The following SEC23IP variants were observed in gnomAD, a reference collection of about 807,000 sequenced individuals.
SEC23IP encodes SEC23 interacting protein, also known as SEC23-interacting protein.
In SEC23IP, 70 loss-of-function variants were observed where a neutral mutation model predicts 113.4. The ratio of observed to expected loss-of-function variants is 0.62; its 90% CI spans 0.51 to 0.75. The LOEUF is 0.75. Among genes scored for constraint, SEC23IP ranks in the 30% least tolerant of loss-of-function variants. The pLI is 0.00. For synonymous variants in SEC23IP, 398 were observed against 421.0 expected (o/e 0.95, Z 0.67); for missense variants, 1,160 against 1,204.9 (o/e 0.96, Z 0.55).
chr10:119,893,138 C>A (rs1854150576), intron 1 of SEC23IP, among the ~76,000 whole-genome samples, 193 bp downstream of exon 1: 1 of 152,154 alleles, frequency 6.6e-6, no homozygotes, highest in Non-Finnish European at 1.5e-5. Context: ...ACTTGCTCTT[C>A]ACGGAAACCC....
chr10:119,939,813 A>G (rs1855906760), intron 18 of SEC23IP, among the ~76,000 whole-genome samples: 2 of 152,142 alleles, frequency 1.3e-5, no homozygotes, highest in Admixed American at 1.3e-4. Flanking sequence ...CTCCTAACTT[A>G]GCATCTCGAG....
In SEC23IP at chr10:119,940,724, A is replaced by G. The variant is rs1855940452; in HGVS notation, c.*159A>G. On this transcript the variant is annotated 3_prime_UTR_variant, in exon 19 of 19. Transcript: ENST00000369075. ...TTGCTCAGCCACAATTCTCGGATAT[A>G]GGGATTCAAAAGACAGGACACAGAA... The G allele has an allele frequency of 6.6e-6, 1 of 152,282 alleles. No individual in the cohort carries two copies. Among genetic ancestry groups the G allele is most frequent in the South Asian group, 2.1e-4 (1 of 4,824 alleles). The allele number at this position is 152,282 out of a possible 1,614,324, so 9.4% of individuals were successfully genotyped here.
At position 119,932,227 on chromosome 10, in the gene SEC23IP, C is replaced by T. The variant is rs546849404; in HGVS notation, c.2667C>T (p.Ala889=). 7.4e-6 allele frequency: 12 copies of T among 1,613,278 alleles called. No individual in the cohort carries two copies. In the South Asian group the frequency reaches 1.3e-4, roughly 18 times the overall value. Residue 889 remains alanine (A), a synonymous_variant, in exon 16 of 19, where the codon GCC becomes GCT. Coordinates refer to ENST00000369075, the MANE Select transcript of SEC23IP (RefSeq NM_007190.4). ...CTTGGCAGACATTAAATGAGTTTGC[C>T]CGTGCTCATACGTCTTCAACCCAGT... is the stretch of plus-strand genomic sequence containing the variant. ...KSAWQTLNEF[A]RAHTSSTQLQ...
chr10:119,915,869 G>A lies in SEC23IP; in HGVS notation c.1524G>A (p.Gly508=). The change falls in exon 8 of 19, where the codon GGG becomes GGA. Residue 508 remains glycine, a synonymous_variant. Transcript: ENST00000369075. The part of the protein sequence containing the change: ...LPVHWHSSLG[G]DATGVDRNIK... The stretch of plus-strand genomic sequence containing the variant: ...TTCATTGGCATAGTTCTTTGGGTGG[G>A]GACGCCACAGGTGTGGACAGGTTTG... The A allele has an allele frequency of 6.3e-7, 1 of 1,577,128 alleles. No homozygotes were observed. Among genetic ancestry groups the A allele is most frequent in the Non-Finnish European group, 8.6e-7 (1 of 1,161,020 alleles).
rs1255740614 is a variant in SEC23IP, at chr10:119,942,373, A to G, written c.*1808A>G. On this transcript the variant is annotated 3_prime_UTR_variant, in exon 19 of 19. Transcript: ENST00000369075. ...CACACACATATGTATGTATGTATGTATTACTATTCAGTCTCTTAAAAACCA... is the reference window on the plus strand; with the variant it reads ...CACACACATATGTATGTATGTATGTGTTACTATTCAGTCTCTTAAAAACCA... 1 of 152,172 alleles carries G rather than the reference A, an allele frequency of 6.6e-6. No individual in the cohort carries two copies. The highest frequency in any genetic ancestry group is 1.5e-5 in the Non-Finnish European group (1 of 68,038). The allele number at this position is 152,172 out of a possible 1,614,324, so 9.4% of individuals were successfully genotyped here.
rs1326060265 is a variant in SEC23IP at position 119,944,248 on chromosome 10, C to T, written c.*3683C>T. On this transcript the variant is annotated 3_prime_UTR_variant, in exon 19 of 19. Coordinates refer to ENST00000369075, the MANE Select transcript of SEC23IP (RefSeq NM_007190.4). Reference sequence around the variant, plus strand: ...TAAAAGTGGCAGTTTTCCCTGCACTCTCTCCTGCCACCTTGTGAAGAAGGT... The same window carrying T: ...TAAAAGTGGCAGTTTTCCCTGCACTTTCTCCTGCCACCTTGTGAAGAAGGT... 1 of 152,178 alleles carries T rather than the reference C, an allele frequency of 6.6e-6. No homozygotes were observed. Among genetic ancestry groups the T allele is most frequent in the African/African-American group, 2.4e-5 (1 of 41,456 alleles). The allele number at this position is 152,178 out of a possible 1,614,324, so 9.4% of individuals were successfully genotyped here. A position where few individuals can be genotyped will look rare whatever the true frequency, so the allele number is the denominator to read the frequency against.
chr10:119,930,483 A>G (rs1356950937), intron 15 of SEC23IP, 52 bp downstream of exon 15: 1 of 1,066,534 alleles, frequency 9.4e-7, no homozygotes, highest in Non-Finnish European at 1.4e-6. Context: ...GTAATCTGTA[A>G]TGAATTATGA....
chr10:119,921,296 A>G (rs1228261404), intron 12 of SEC23IP, among the ~76,000 whole-genome samples: 1 of 152,150 alleles, frequency 6.6e-6, no homozygotes, highest in Admixed American at 6.5e-5. Flanking sequence ...TCTCAGCTCA[A>G]CTGCTCATTA....
At chr10:119,924,443 C>T (rs887264483) in intron 12 of SEC23IP, among the ~76,000 whole-genome samples, 8 of 150,420 alleles carry the variant, frequency 5.3e-5, no homozygotes, top group African/African-American at 1.5e-4. Context: ...TTTTTTGAGA[C>T]GGAGTCCCGC....
intron 18 of SEC23IP, 37 bp from the exon 19 acceptor site, chr10:119,940,549 A>G (rs768257737): frequency 4.6e-5 from 7 of 151,738 alleles, no homozygotes; most frequent in Admixed American, 2.0e-4. Flanking sequence ...TAAATTTGTA[A>G]AGTTCACTGA....
At chr10:119,938,370 A>G (rs984091463) in intron 18 of SEC23IP, among the ~76,000 whole-genome samples, 8 of 152,002 alleles carry the variant, frequency 5.3e-5, no homozygotes, top group African/African-American at 1.9e-4. Context: ...CCCTCTTTCC[A>G]TTGTCAAGGA....
chr10:119,938,930 A>T (rs139758836), intron 18 of SEC23IP, among the ~76,000 whole-genome samples: 54 of 152,312 alleles, frequency 3.5e-4, no homozygotes, highest in African/African-American at 1.1e-3. Flanking sequence ...TATTCTATAC[A>T]TAGTTCATTC....
chr10:119,915,391 G>T (rs527754203), intron 7 of SEC23IP, among the ~76,000 whole-genome samples: 1 of 151,936 alleles, frequency 6.6e-6, no homozygotes, highest in African/African-American at 2.4e-5. Context: ...TAAGGTAGGG[G>T]TTGGGGGTAA....
At chr10:119,904,350 T>C in intron 4 of SEC23IP, 73 bp downstream of exon 4, 1 of 1,307,544 alleles carries the variant, frequency 7.6e-7, no homozygotes, top group Non-Finnish European at 1.1e-6. Context: ...AGTAACATCA[T>C]TCACAGTGGA....
intron 15 of SEC23IP, 91 bp downstream of exon 15, chr10:119,930,522 GAATT>G (rs1310892463): frequency 7.3e-6 from 5 of 680,992 alleles, no homozygotes; most frequent in Non-Finnish European, 1.3e-5. Context: ...GTCTCTGAGA[GAATT>G]AATATTATTT....
rs143913350 is a variant in SEC23IP at position 119,892,896 on chromosome 10, C to A, written c.114C>A (p.Ile38=). 3.7e-6 allele frequency: 6 copies of A among 1,613,548 alleles called. No individual in the cohort carries two copies. The African/African-American group carries it at 6.7e-5, about 18-fold the overall frequency. ...AGTTCAGCTTCAATGTGCCCTTCATCCCAGTCACCCAGGCCTCCGCTTCTC... is the reference window on the plus strand; with the variant it reads ...AGTTCAGCTTCAATGTGCCCTTCATACCAGTCACCCAGGCCTCCGCTTCTC... ...ATEFSFNVPF[I]PVTQASASPA... The change falls in exon 1 of 19, where the codon ATC becomes ATA. Residue 38 remains isoleucine (I), a synonymous_variant. Transcript: ENST00000369075.
In SEC23IP at chr10:119,944,217, T is replaced by A. The variant is rs1200465845; in HGVS notation, c.*3652T>A. On this transcript the variant is annotated 3_prime_UTR_variant, in exon 19 of 19. Coordinates refer to ENST00000369075, the MANE Select transcript of SEC23IP (RefSeq NM_007190.4). Reference sequence around the variant, plus strand: ...GTGAGGGAGTTCTCACAAGATCTGATGGTTTTAAAAGTGGCAGTTTTCCCT... The same window carrying A: ...GTGAGGGAGTTCTCACAAGATCTGAAGGTTTTAAAAGTGGCAGTTTTCCCT... The A allele has an allele frequency of 2.0e-5, 3 of 152,148 alleles. No homozygotes were observed. The highest frequency in any genetic ancestry group is 4.4e-5 in the Non-Finnish European group (3 of 68,006). 9.4% of individuals were successfully genotyped at this position (152,148 alleles called of 1,614,324 possible).
At chr10:119,912,634 T>C (rs1374490475) in intron 6 of SEC23IP, among the ~76,000 whole-genome samples, 1 of 150,556 alleles carries the variant, frequency 6.6e-6, no homozygotes, top group East Asian at 2.0e-4. Flanking sequence ...ATTTTTCTTT[T>C]TCTTTTTCTT....
intron 13 of SEC23IP, among the ~76,000 whole-genome samples, chr10:119,927,543 C>G (rs1855462106): frequency 6.6e-6 from 1 of 152,208 alleles, no homozygotes; most frequent in African/African-American, 2.4e-5. Context: ...TTCTCCTTAT[C>G]TCTTAATATC....
Sources: allele counts gnomAD v4.1 joint callset (sites outside exome capture counted in the v4.1 genomes callset), GRCh38; gene constraint gnomAD v4.1.1; transcripts MANE v1.5; gene names NCBI Gene and HGNC (gene_info 2026-07-23, HGNC 2026-07-21).